Variants in ZNF507 observed in about 807,000 individuals in gnomAD.
The protein encoded by ZNF507 is zinc finger protein 507.
In ZNF507, 29 loss-of-function variants were observed where a neutral mutation model predicts 80.0. That is an observed-to-expected ratio of 0.36 (90% CI 0.27 to 0.49). The LOEUF (loss-of-function observed/expected upper bound fraction) is 0.49, where lower values mean the gene tolerates loss of function less well. Ranked by LOEUF, ZNF507 falls within the 20% of genes least tolerant of loss-of-function variation. The probability of loss-of-function intolerance (pLI) is 0.98; values close to 1 mark genes in which losing one functional copy is unlikely to be tolerated. For missense variants in ZNF507, 1,081 were observed against 1,152.2 expected (o/e 0.94, Z 0.90); for synonymous variants, 462 against 422.5 (o/e 1.09, Z -1.15).
intron 5 of ZNF507, among the ~76,000 whole-genome samples, chr19:32,362,552 T>C (rs1967342978): frequency 6.6e-6 from 1 of 152,212 alleles, no homozygotes. Flanking sequence ...AACCCTCAAA[T>C]ACTTAGGAAA....
At position 32,354,536 on chromosome 19, in the gene ZNF507, AG is replaced by A; in HGVS notation, c.1709del (p.Gly570ValfsTer25). 1 of 1,614,198 alleles carries A rather than the reference AG, an allele frequency of 6.2e-7. No individual in the cohort carries two copies. Among genetic ancestry groups the A allele is most frequent in the South Asian group, 1.1e-5 (1 of 91,084 alleles). On this transcript the variant is annotated frameshift_variant, in exon 3 of 7. Coordinates refer to ENST00000355898, the MANE Select transcript of ZNF507 (RefSeq NM_001136156.2). LOFTEE classifies it high-confidence loss of function. Reference protein sequence around the residue: ...QSNSTLVALPEGRQELSDGQV... With the variant: ...QSNSTLVALPXGRQELSDGQV... ...AACTCCACCTTGGTAGCACTCCCAG[AG>A]GGTAGGCAGGAATTGTCAGATGGGC...
rs765413703 is a variant in ZNF507 at position 32,387,399 on chromosome 19, T to G, written c.*4316T>G. ...TTGAAAGTGACCAAGGCCAAATATT[T>G]CGTCCCATGCTTCCCAGGGACAACA... is the stretch of plus-strand genomic sequence containing the variant. On this transcript the variant is annotated 3_prime_UTR_variant, in exon 7 of 7. Coordinates refer to ENST00000355898, the MANE Select transcript of ZNF507 (RefSeq NM_001136156.2). 6.6e-6 allele frequency: 1 copy of G among 152,232 alleles called. No individual in the cohort carries two copies. Among genetic ancestry groups the G allele is most frequent in the African/African-American group, 2.4e-5 (1 of 41,466 alleles). 9.4% of individuals were successfully genotyped at this position (152,232 alleles called of 1,614,324 possible). A position where few individuals can be genotyped will look rare whatever the true frequency, so the allele number is the denominator to read the frequency against.
At chr19:32,364,773 T>C (rs1397086241) in intron 5 of ZNF507, among the ~76,000 whole-genome samples, 1 of 152,182 alleles carries the variant, frequency 6.6e-6, no homozygotes, top group African/African-American at 2.4e-5. Context: ...ATTTTGCTAT[T>C]GTGAATTGTG....
At chr19:32,381,381 C>G (rs1038868648) in intron 5 of ZNF507, among the ~76,000 whole-genome samples, 4 of 152,112 alleles carry the variant, frequency 2.6e-5, no homozygotes, top group Admixed American at 6.5e-5. Context: ...AGGTGGATCA[C>G]TTGAGGCCAG....
In ZNF507 at chr19:32,385,648, C is replaced by A. The variant is rs1967678763; in HGVS notation, c.*2565C>A. ...TGGGCAACACGGGGAGACCCTGTCTCTACAAGAAATTAAAAATTAGCCAGG... is the reference window on the plus strand; with the variant it reads ...TGGGCAACACGGGGAGACCCTGTCTATACAAGAAATTAAAAATTAGCCAGG... On this transcript the variant is annotated 3_prime_UTR_variant, in exon 7 of 7. Coordinates refer to ENST00000355898, the MANE Select transcript of ZNF507 (RefSeq NM_001136156.2). The A allele has an allele frequency of 6.6e-6, 1 of 152,178 alleles. No homozygotes were observed. Among genetic ancestry groups the A allele is most frequent in the Admixed American group, 6.6e-5 (1 of 15,266 alleles). 9.4% of individuals were successfully genotyped at this position (152,178 alleles called of 1,614,324 possible).
chr19:32,351,396 G>A (rs939502465), intron 2 of ZNF507, among the ~76,000 whole-genome samples: 1 of 145,102 alleles, frequency 6.9e-6, no homozygotes, highest in Non-Finnish European at 1.5e-5. Flanking sequence ...AGTTGTGGGC[G>A]ACCTGGCACT....
chr19:32,371,670 C>T (rs1326020124), intron 5 of ZNF507, among the ~76,000 whole-genome samples: 39 of 141,342 alleles, frequency 2.8e-4, no homozygotes, highest in African/African-American at 9.3e-4. Context: ...GATGGAGTCT[C>T]GCTCTGTCGC....
At chr19:32,356,005 AAAG>A (rs538248390) in intron 3 of ZNF507, among the ~76,000 whole-genome samples, 30 of 152,302 alleles carry the variant, frequency 2.0e-4, no homozygotes, top group South Asian at 1.2e-3. Flanking sequence ...TCTCAAAAAA[AAAG>A]GTAACAGGAA....
chr19:32,373,239 C>T (rs1042704246), intron 5 of ZNF507, among the ~76,000 whole-genome samples: 1 of 151,562 alleles, frequency 6.6e-6, no homozygotes, highest in Admixed American at 6.6e-5. Flanking sequence ...ACATTCAGAT[C>T]ATACCACTCA....
At position 32,360,514 on chromosome 19, in the gene ZNF507, T is replaced by G. The variant is rs1442871635; in HGVS notation, c.2256T>G (p.Ser752=). Reference sequence around the variant, plus strand: ...AAATACCTTGTCTAGGGAATAAGTCTTCAGTCCAGAAACAATATAGATGTG... The same window carrying G: ...AAATACCTTGTCTAGGGAATAAGTCGTCAGTCCAGAAACAATATAGATGTG... ...DGKCVQEGNK[S]SVQKQYRCDV... Residue 752 remains serine (S), a synonymous_variant, in exon 5 of 7, where the codon TCT becomes TCG. Coordinates refer to ENST00000355898, the MANE Select transcript of ZNF507 (RefSeq NM_001136156.2). 1 of 1,565,822 alleles carries G rather than the reference T, an allele frequency of 6.4e-7. No individual in the cohort carries two copies. The highest frequency in any genetic ancestry group is 8.6e-7 in the Non-Finnish European group (1 of 1,158,992).
chr19:32,353,660 C>T lies in ZNF507; in HGVS notation c.830C>T (p.Ser277Phe), dbSNP rs1398876147. ...AAACATGCTGGGGAGGTTGATTGCT[C>T]CTATCCAATCTTTGAAAATGAAAAT... ...AWKHAGEVDCSYPIFENENEP... is the reference protein window; with the variant it reads ...AWKHAGEVDCFYPIFENENEP... Residue 277 changes from serine to phenylalanine, a missense_variant, in exon 3 of 7, where the codon TCC becomes TTC. Coordinates refer to ENST00000355898, the MANE Select transcript of ZNF507 (RefSeq NM_001136156.2). The T allele has an allele frequency of 6.2e-7, 1 of 1,614,144 alleles. No individual in the cohort carries two copies. The highest frequency in any genetic ancestry group is 8.5e-7 in the Non-Finnish European group (1 of 1,180,042).
intron 5 of ZNF507, among the ~76,000 whole-genome samples, chr19:32,378,887 G>A (rs780616039): frequency 3.9e-5 from 6 of 152,156 alleles, no homozygotes; most frequent in Non-Finnish European, 7.4e-5. Flanking sequence ...AAAGTGAGGA[G>A]GCGAGTGTCT....
At chr19:32,375,618 A>G (rs1165478146) in intron 5 of ZNF507, among the ~76,000 whole-genome samples, 1 of 152,240 alleles carries the variant, frequency 6.6e-6, no homozygotes, top group African/African-American at 2.4e-5. Context: ...TGAATAAGAC[A>G]TGTCTGCAAA....
At chr19:32,356,234 A>G (rs1020280616) in intron 3 of ZNF507, among the ~76,000 whole-genome samples, 7 of 152,194 alleles carry the variant, frequency 4.6e-5, no homozygotes, top group African/African-American at 9.7e-5. Flanking sequence ...AGATATTTCA[A>G]TGAAAAATTA....
intron 4 of ZNF507, chr19:32,356,938 G>T: frequency 2.0e-6 from 1 of 496,384 alleles, no homozygotes; most frequent in Admixed American, 3.5e-5. Context: ...TAGGTGAGAA[G>T]CCCTAGATAG....
chr19:32,370,067 T>C (rs1472249241), intron 5 of ZNF507, among the ~76,000 whole-genome samples: 2 of 152,256 alleles, frequency 1.3e-5, no homozygotes, highest in African/African-American at 2.4e-5. Context: ...TCTCCCTTTT[T>C]AAGGCGGAAT....
At chr19:32,368,437 C>T (rs1229182312) in intron 5 of ZNF507, among the ~76,000 whole-genome samples, 1 of 152,118 alleles carries the variant, frequency 6.6e-6, no homozygotes, top group Non-Finnish European at 1.5e-5. Flanking sequence ...CTGCTAGTCC[C>T]CAAAATGAGC....
At chr19:32,357,193 TA>T (rs879694194) in intron 4 of ZNF507, 251 of 143,172 alleles carry the variant, frequency 1.8e-3, no homozygotes, top group Admixed American at 1.8e-3. Context: ...TCTGCATTAT[TA>T]AAAAAAAAAA....
At chr19:32,358,900 C>T (rs375031174) in intron 4 of ZNF507, 2 of 152,324 alleles carry the variant, frequency 1.3e-5, no homozygotes, top group South Asian at 4.1e-4. Context: ...TACCCATGAT[C>T]ATACTGGTAG....
Sources: allele counts gnomAD v4.1 joint callset (sites outside exome capture counted in the v4.1 genomes callset), GRCh38; gene constraint gnomAD v4.1.1; transcripts MANE v1.5; gene names NCBI Gene and HGNC (gene_info 2026-07-23, HGNC 2026-07-21).